The following ATP8A2 variants were observed in gnomAD, a reference collection of about 807,000 sequenced individuals.
The protein encoded by ATP8A2 is ATPase phospholipid transporting 8A2.
Under a neutral mutation model 165.6 loss-of-function variants are expected in ATP8A2, and 100 were observed. That is an observed-to-expected ratio of 0.60 (90% CI 0.51 to 0.71). ATP8A2 has a LOEUF of 0.71. Among genes scored for constraint, ATP8A2 ranks in the 30% least tolerant of loss-of-function variants. ATP8A2 has a pLI of 0.00. For missense variants in ATP8A2, 1,227 were observed against 1,479.5 expected, an observed-to-expected ratio of 0.83 and a Z score of 2.80; for synonymous variants, 543 against 548.8, an observed-to-expected ratio of 0.99 and a Z score of 0.15.
At chr13:25,498,310 G>C (rs1010127805) in intron 2 of ATP8A2, among the ~76,000 whole-genome samples, 2 of 152,184 alleles carry the variant, frequency 1.3e-5, no homozygotes, top group Admixed American at 1.3e-4. Context: ...CTCACTAATA[G>C]AATTTGATAT....
Position 25,860,887 on chromosome 13 carries a change from T to G in ATP8A2, c.3075+27T>G, listed in dbSNP as rs188595450. 2.8e-4 allele frequency: 421 copies of G among 1,493,174 alleles called. 8 individuals carry two copies. In the East Asian group the frequency reaches 4.7e-3, roughly 17 times the overall value. 92.5% of individuals were successfully genotyped at this position (1,493,174 alleles called of 1,614,324 possible). A position where few individuals can be genotyped will look rare whatever the true frequency, so the allele number is the denominator to read the frequency against. On this transcript the variant is annotated intron_variant, in intron 32 of 36. Coordinates refer to ENST00000381655, the MANE Select transcript of ATP8A2 (RefSeq NM_016529.6). ...TAAGTTTTCTCTAGAATTGTTTCTC[T>G]GTTCAGTATAGATATTTTTCATGCT... is the stretch of plus-strand genomic sequence containing the variant.
intron 27 of ATP8A2, among the ~76,000 whole-genome samples, chr13:25,808,754 C>A (rs529093419): frequency 6.6e-6 from 1 of 152,140 alleles, no homozygotes; most frequent in South Asian, 2.1e-4. Context: ...ACTTTTTATA[C>A]CTGAAATACC....
rs186682835 is a variant in ATP8A2, at chr13:25,983,047, T to C, written c.3377+14368T>C. On this transcript the variant is annotated intron_variant, in intron 35 of 36. Transcript: ENST00000381655. ...TTCTGGAACACAGCAGTTTATACCA[T>C]GTTTAGGTTTTATGTTTTCTGACTT... Among the ~76,000 whole-genome samples the C allele has an allele frequency of 2.4e-3, 373 of 152,354 alleles. 1 individual carries two copies. Among genetic ancestry groups the C allele is most frequent in the African/African-American group, 8.3e-3 (343 of 41,572 alleles).
intron 1 of ATP8A2, among the ~76,000 whole-genome samples, chr13:25,378,105 A>G (rs187636577): frequency 1.3e-5 from 2 of 151,174 alleles, no homozygotes; most frequent in Admixed American, 1.3e-4. Flanking sequence ...ACAGAGCGAG[A>G]CCCTTCCTCT....
intron 35 of ATP8A2, among the ~76,000 whole-genome samples, chr13:26,005,343 G>A (rs911239500): frequency 5.3e-5 from 8 of 151,658 alleles, no homozygotes; most frequent in African/African-American, 1.9e-4. Context: ...TTTTTTCCTA[G>A]TCAGTCTAGC....
Position 25,570,868 on chromosome 13 carries a change from C to T in ATP8A2, c.1575C>T (p.Ser525=). Residue 525 remains serine (S), a synonymous_variant, in exon 17 of 37, where the codon TCC becomes TCT. Coordinates refer to ENST00000381655, the MANE Select transcript of ATP8A2 (RefSeq NM_016529.6). The part of the protein sequence containing the change: ...DGDNIIYQAS[S]PDEAALVKGA... ...ATAACATCATCTACCAGGCCTCTTC[C>T]CCAGGTGAGGGCTCTGGCCGGATGC... The T allele has an allele frequency of 6.2e-7, 1 of 1,611,116 alleles. No homozygotes were observed.
rs552734180 is a variant in ATP8A2, at chr13:25,896,337, G to T, written c.3183+33929G>T. Among the ~76,000 whole-genome samples the T allele has an allele frequency of 4.3e-4, 66 of 152,322 alleles. 1 individual carries two copies. In the Middle Eastern group the frequency reaches 0.017, roughly 39 times the overall value. On this transcript the variant is annotated intron_variant, in intron 33 of 36. Transcript: ENST00000381655. ...GGTTGTTCAGTTTCCATGTAGTTGA[G>T]CGGTTTTCAGTGAGTTTCTTAATCC...
chr13:25,629,190 T>A (rs796541100), intron 24 of ATP8A2, among the ~76,000 whole-genome samples: 5 of 152,186 alleles, frequency 3.3e-5, no homozygotes, highest in Non-Finnish European at 7.3e-5. Flanking sequence ...ACAGAACACA[T>A]GGGCAGTCTC....
chr13:25,683,268 T>G (rs2042532765), intron 24 of ATP8A2, among the ~76,000 whole-genome samples: 1 of 152,224 alleles, frequency 6.6e-6, no homozygotes. Flanking sequence ...GAGGTTGTGG[T>G]TGAGACTGTA....
At chr13:25,538,508 G>A (rs1000464853) in intron 7 of ATP8A2, among the ~76,000 whole-genome samples, 5 of 152,156 alleles carry the variant, frequency 3.3e-5, no homozygotes, top group African/African-American at 1.2e-4. Context: ...GTGACCAGCA[G>A]ATGGTGTTTG....
In ATP8A2 at chr13:25,919,837, C is replaced by G. The variant is rs563673198; in HGVS notation, c.3184-41738C>G. Among the ~76,000 whole-genome samples the G allele has an allele frequency of 2.3e-4, 35 of 152,222 alleles. 1 individual carries two copies. In the South Asian group the frequency reaches 7.2e-3, roughly 32 times the overall value. Reference sequence around the variant, plus strand: ...CTGGAGTGCGGTGGTGCTGTCATAGCTCACTATAACCTCGATCATAGCTCC... The same window carrying G: ...CTGGAGTGCGGTGGTGCTGTCATAGGTCACTATAACCTCGATCATAGCTCC... On this transcript the variant is annotated intron_variant, in intron 33 of 36. Coordinates refer to ENST00000381655, the MANE Select transcript of ATP8A2 (RefSeq NM_016529.6).
chr13:25,468,359 A>C (rs2035728250), intron 1 of ATP8A2, among the ~76,000 whole-genome samples: 1 of 152,222 alleles, frequency 6.6e-6, no homozygotes, highest in Non-Finnish European at 1.5e-5. Flanking sequence ...GGAGAAGAGC[A>C]GCGGATCCCT....
intron 1 of ATP8A2, among the ~76,000 whole-genome samples, chr13:25,440,392 C>T (rs7334784): frequency 0.04 from 6,162 of 152,160 alleles, 413 homozygotes; most frequent in African/African-American, 0.14. Context: ...TGCTCCCCCT[C>T]GTCCTGTATA....
chr13:25,781,210 C>T (rs2044868914), intron 27 of ATP8A2, among the ~76,000 whole-genome samples: 1 of 151,856 alleles, frequency 6.6e-6, no homozygotes, highest in South Asian at 2.1e-4. Context: ...TTGCAGTGAG[C>T]GGAAGCCGAG....
chr13:25,491,137 ACTTTTT>A (rs1026398775), intron 2 of ATP8A2, among the ~76,000 whole-genome samples: 1 of 151,964 alleles, frequency 6.6e-6, no homozygotes, highest in African/African-American at 2.4e-5. Flanking sequence ...TATTTTATTT[ACTTTTT>A]CTTTTTTTTT....
At chr13:25,457,817 C>A (rs1211922813) in intron 1 of ATP8A2, among the ~76,000 whole-genome samples, 2 of 152,190 alleles carry the variant, frequency 1.3e-5, no homozygotes, top group Non-Finnish European at 2.9e-5. Flanking sequence ...ACGTGATACA[C>A]AAAATGTCAA....
chr13:25,716,397 T>C (rs1399120436), intron 25 of ATP8A2, among the ~76,000 whole-genome samples: 1 of 152,250 alleles, frequency 6.6e-6, no homozygotes, highest in African/African-American at 2.4e-5. Flanking sequence ...CATTGTCTAA[T>C]CTGAGATCAT....
chr13:25,654,382 T>C (rs2041881354), intron 24 of ATP8A2, among the ~76,000 whole-genome samples: 1 of 152,084 alleles, frequency 6.6e-6, no homozygotes, highest in East Asian at 1.9e-4. Context: ...TATTTGTAAT[T>C]TTTATGGAGA....
chr13:25,886,076 T>C (rs1436576175), intron 33 of ATP8A2, among the ~76,000 whole-genome samples: 1 of 152,236 alleles, frequency 6.6e-6, no homozygotes, highest in Non-Finnish European at 1.5e-5. Context: ...GTATTCAAGC[T>C]GCATTTTGTT....
Sources: allele counts gnomAD v4.1 joint callset (sites outside exome capture counted in the v4.1 genomes callset), GRCh38; gene constraint gnomAD v4.1.1; transcripts MANE v1.5; gene names NCBI Gene and HGNC (gene_info 2026-07-23, HGNC 2026-07-21).